DTWD2: variants seen among roughly 807,000 people sequenced by gnomAD.
The protein encoded by DTWD2 is tRNA-uridine aminocarboxypropyltransferase 2.
In DTWD2, 39 loss-of-function variants were observed where a neutral mutation model predicts 31.8. The observed-to-expected ratio is 1.22, with a 90% CI of 0.95 to 1.60. The LOEUF (loss-of-function observed/expected upper bound fraction) is 1.60. DTWD2 is among the 40% of genes most tolerant of loss of function. The pLI is 0.00. For synonymous variants in DTWD2, 180 were observed against 142.8 expected, an observed-to-expected ratio of 1.26 and a Z score of -1.86; for missense variants, 515 against 381.5, an observed-to-expected ratio of 1.35 and a Z score of -2.92.
chr5:118,865,932 C>A (rs1026112705), intron 4 of DTWD2, among the ~76,000 whole-genome samples: 1 of 151,974 alleles, frequency 6.6e-6, no homozygotes, highest in African/African-American at 2.4e-5. Flanking sequence ...TGCTCCAGAG[C>A]AGCTGACAAC....
chr5:118,848,357 TA>T, intron 4 of DTWD2, 139 bp from the exon 5 acceptor site: 9 of 699,772 alleles, frequency 1.3e-5, no homozygotes, highest in Non-Finnish European at 6.7e-6. Flanking sequence ...CTTTTATGTA[TA>T]ACATCCTTTT....
intron 4 of DTWD2, 94 bp downstream of exon 4, chr5:118,928,443 A>G: frequency 1.2e-6 from 1 of 846,642 alleles, no homozygotes. Flanking sequence ...CCAAATTCAT[A>G]TATAAAAATC....
rs1753008125 is a variant in DTWD2 at position 118,893,063 on chromosome 5, T to A, written c.597+35474A>T. 3.3e-5 allele frequency among the ~76,000 whole-genome samples: 5 copies of A among 152,058 alleles called. No individual in the cohort carries two copies. The South Asian group carries it at 1.0e-3, about 32-fold the overall frequency. Reference sequence around the variant, plus strand: ...ACGCAAAGGAATATATACAGTACTGTACTTCTATATAAAAAAAAGTGGAAA... The same window carrying A: ...ACGCAAAGGAATATATACAGTACTGAACTTCTATATAAAAAAAAGTGGAAA... On this transcript the variant is annotated intron_variant, in intron 4 of 5. Coordinates refer to ENST00000510708, the MANE Select transcript of DTWD2 (RefSeq NM_173666.4).
At chr5:118,983,508 ATT>A (rs1011540509) in intron 1 of DTWD2, among the ~76,000 whole-genome samples, 2 of 148,878 alleles carry the variant, frequency 1.3e-5, no homozygotes, top group African/African-American at 5.1e-5. Flanking sequence ...TCCTTTCCCC[ATT>A]TTCTCTCTCT....
chr5:118,927,589 T>C (rs1459130223), intron 4 of DTWD2, among the ~76,000 whole-genome samples: 4 of 152,116 alleles, frequency 2.6e-5, no homozygotes, highest in Non-Finnish European at 5.9e-5. Context: ...AAAATAATTA[T>C]TTAAGACTGT....
intron 1 of DTWD2, chr5:118,974,009 G>C: frequency 6.2e-7 from 1 of 1,601,330 alleles, no homozygotes; most frequent in Middle Eastern, 2.2e-4. Context: ...TGATGGTGAG[G>C]AAGAGGATGG....
intron 4 of DTWD2, among the ~76,000 whole-genome samples, chr5:118,915,306 A>G (rs1343802317): frequency 6.6e-6 from 1 of 152,130 alleles, no homozygotes; most frequent in Non-Finnish European, 1.5e-5. Context: ...AAAATCAGAA[A>G]TAAAAATAAG....
At chr5:118,973,873 G>T in intron 1 of DTWD2, 1 of 1,611,568 alleles carries the variant, frequency 6.2e-7, no homozygotes, top group South Asian at 1.1e-5. Context: ...TTGTGGAAGA[G>T]GCAGAAAATG....
chr5:118,877,265 G>C (rs538453630), intron 4 of DTWD2, among the ~76,000 whole-genome samples: 2 of 152,174 alleles, frequency 1.3e-5, no homozygotes, highest in South Asian at 4.1e-4. Flanking sequence ...AAGGTCAGGA[G>C]ATCGAGACCA....
intron 1 of DTWD2, among the ~76,000 whole-genome samples, chr5:118,962,804 A>G (rs1754735946): frequency 6.6e-6 from 1 of 152,240 alleles, no homozygotes; most frequent in African/African-American, 2.4e-5. Context: ...AAAGATGATG[A>G]AACTAAGGCT....
intron 4 of DTWD2, among the ~76,000 whole-genome samples, chr5:118,922,865 G>C (rs867296173): frequency 2.0e-5 from 3 of 152,164 alleles, no homozygotes; most frequent in Middle Eastern, 3.4e-3. Flanking sequence ...CTCAATAAAA[G>C]GGCCATCCAG....
In DTWD2 at chr5:118,944,528, AT is replaced by A. The variant is rs1236905190; in HGVS notation, c.309+30del. The A allele has an allele frequency of 1.9e-6, 3 of 1,596,956 alleles. No individual in the cohort carries two copies. In the African/African-American group the frequency reaches 4.0e-5, roughly 21 times the overall value. ...GTTTCCTCTTGTGGACTCATATTCTATTTGAAATCCTGTATTTTACAAAATC... is the reference window on the plus strand; with the variant it reads ...GTTTCCTCTTGTGGACTCATATTCTATTGAAATCCTGTATTTTACAAAATC... On this transcript the variant is annotated intron_variant, in intron 2 of 5. Transcript: ENST00000510708.
chr5:118,984,231 G>T (rs962535049), intron 1 of DTWD2, among the ~76,000 whole-genome samples: 2 of 151,996 alleles, frequency 1.3e-5, no homozygotes, highest in Non-Finnish European at 2.9e-5. Flanking sequence ...AGAGGTTGCG[G>T]TCAGCCAAGA....
At chr5:118,850,481 A>C (rs1751975482) in intron 4 of DTWD2, among the ~76,000 whole-genome samples, 1 of 104,918 alleles carries the variant, frequency 9.5e-6, no homozygotes, top group Non-Finnish European at 1.8e-5. Context: ...CCACCACAAA[A>C]AAAAAAAAAA....
chr5:118,935,717 ACTTG>A (rs1014895873), intron 3 of DTWD2, among the ~76,000 whole-genome samples: 2 of 152,202 alleles, frequency 1.3e-5, no homozygotes, highest in African/African-American at 4.8e-5. Flanking sequence ...ATATTCACCT[ACTTG>A]AAGAGTTTTC....
rs901402434 is a variant in DTWD2, at chr5:118,988,508, C to G, written c.4G>C (p.Glu2Gln). 2 of 1,558,960 alleles carry G rather than the reference C, an allele frequency of 1.3e-6. No individual in the cohort carries two copies. The highest frequency in any genetic ancestry group is 1.4e-5 in the African/African-American group (1 of 70,548). ...AGTGTTCGTGCCTCTTTCTGCGACT[C>G]CATGGCGGACACTCCGGTCAGGCCG... M[E>Q]SQKEARTLQE... The change falls in exon 1 of 6, where the codon GAG (glutamate) becomes CAG (glutamine). Residue 2 changes from glutamate to glutamine, a missense_variant. Glu to Gln is a conservative substitution (Grantham distance 29). Coordinates refer to ENST00000510708, the MANE Select transcript of DTWD2 (RefSeq NM_173666.4).
At chr5:118,948,941 T>C (rs988737993) in intron 1 of DTWD2, among the ~76,000 whole-genome samples, 1 of 151,436 alleles carries the variant, frequency 6.6e-6, no homozygotes, top group Admixed American at 6.6e-5. Context: ...AGGAAAGGAG[T>C]TGTTGCTTTG....
intron 1 of DTWD2, among the ~76,000 whole-genome samples, chr5:118,962,356 C>G (rs1424065214): frequency 6.6e-6 from 1 of 152,158 alleles, no homozygotes; most frequent in Middle Eastern, 3.4e-3. Context: ...GATTTTGATG[C>G]CTTTCCCCTA....
At chr5:118,961,998 T>C (rs1754717417) in intron 1 of DTWD2, among the ~76,000 whole-genome samples, 2 of 152,178 alleles carry the variant, frequency 1.3e-5, no homozygotes, top group Non-Finnish European at 2.9e-5. Flanking sequence ...TCCCAGCACT[T>C]TGGGAGGCTG....
Sources: gnomAD v4.1 joint callset for allele counts (sites outside exome capture counted in the v4.1 genomes callset) on GRCh38, gnomAD v4.1.1 for gene constraint, MANE v1.5 for transcripts, NCBI Gene and HGNC (gene_info 2026-07-23, HGNC 2026-07-21) for gene names.